Variants in LRIG3 observed in about 807,000 individuals in gnomAD.
The protein encoded by LRIG3 is leucine-rich repeats and immunoglobulin-like domains protein 3.
In LRIG3, 76 loss-of-function variants were observed where a neutral mutation model predicts 114.5. The ratio of observed to expected loss-of-function variants is 0.66; its 90% CI spans 0.55 to 0.80. The LOEUF (loss-of-function observed/expected upper bound fraction) is 0.80, where lower values mean the gene tolerates loss of function less well. Ranked by LOEUF, LRIG3 falls within the 30% of genes least tolerant of loss-of-function variation. LRIG3 has a pLI of 0.00. For synonymous variants in LRIG3, 512 were observed against 519.8 expected, an observed-to-expected ratio of 0.98 and a Z score of 0.20; for missense variants, 1,239 against 1,382.8, an observed-to-expected ratio of 0.90 and a Z score of 1.65.
chr12:58,877,371 T>C, intron 15 of LRIG3, 29 bp downstream of exon 15: 5 of 1,603,344 alleles, frequency 3.1e-6, no homozygotes, highest in Non-Finnish European at 4.3e-6. Flanking sequence ...ATGACTCCGG[T>C]GACCTGTGCC....
intron 3 of LRIG3, among the ~76,000 whole-genome samples, chr12:58,912,451 G>A (rs141004883): frequency 0.035 from 5,360 of 152,052 alleles, 300 homozygotes; most frequent in African/African-American, 0.12. Context: ...AGCCAAGATC[G>A]TGCCACTGCA....
rs773812026 is a variant in LRIG3, at chr12:58,874,206, T to C, written c.2964A>G (p.Ile988Met). 9 of 1,614,078 alleles carry C rather than the reference T, an allele frequency of 5.6e-6. No homozygotes were observed. Among genetic ancestry groups the C allele is most frequent in the Non-Finnish European group, 7.6e-6 (9 of 1,180,050 alleles). ...EESCERSFSNISWPSHVRKLL... is the reference protein window; with the variant it reads ...EESCERSFSNMSWPSHVRKLL... ...GCTTCCTCACATGTGAAGGCCACGA[T>C]ATATTACTGAAGCTCCGTTCGCAGG... Residue 988 changes from isoleucine (I) to methionine (M), a missense_variant, in exon 18 of 19, where the codon ATA becomes ATG. Physicochemically the swap from Ile to Met is conservative, Grantham distance 10. Transcript: ENST00000320743.
rs1592293035 is a variant in LRIG3, at chr12:58,877,412, T to G, written c.2524A>C (p.Ile842Leu). The G allele has an allele frequency of 1.9e-6, 3 of 1,613,674 alleles. No individual in the cohort carries two copies. The highest frequency in any genetic ancestry group is 1.7e-5 in the Admixed American group (1 of 59,996). ...HTRRRNEDCS[I>L]TNTDETNLPA... Reference sequence around the variant, plus strand: ...TCTGTTTACACACCTGTGTTGGTAATGCTGCAATCTTCATTCCTCCGCCTT... The same window carrying G: ...TCTGTTTACACACCTGTGTTGGTAAGGCTGCAATCTTCATTCCTCCGCCTT... The change falls in exon 15 of 19, where the codon ATT (isoleucine) becomes CTT (leucine). Residue 842 changes from isoleucine (I) to leucine (L), a missense_variant. Transcript: ENST00000320743.
intron 18 of LRIG3, among the ~76,000 whole-genome samples, chr12:58,873,222 C>T (rs1000474351): frequency 1.3e-5 from 2 of 152,114 alleles, no homozygotes; most frequent in Non-Finnish European, 2.9e-5. Flanking sequence ...CAAAATAAAC[C>T]TGTGTCCTGC....
rs144191012 is a variant in LRIG3, at chr12:58,881,517, C to T, written c.1481-616G>A. Among the ~76,000 whole-genome samples, 79 of 151,874 alleles carry T rather than the reference C, an allele frequency of 5.2e-4. No individual in the cohort carries two copies. In the East Asian group the frequency reaches 0.012, roughly 23 times the overall value. On this transcript the variant is annotated intron_variant, in intron 12 of 18. Coordinates refer to ENST00000320743, the MANE Select transcript of LRIG3 (RefSeq NM_153377.5). ...CAGCCTGGAGCTTTGAGCGGCCAATCGTGCCGCCGCGCTGCCCTGTCAAAG... is the reference window on the plus strand; with the variant it reads ...CAGCCTGGAGCTTTGAGCGGCCAATTGTGCCGCCGCGCTGCCCTGTCAAAG...
Position 58,872,548 on chromosome 12 carries a change from G to T in LRIG3, c.*24C>A. On this transcript the variant is annotated 3_prime_UTR_variant, in exon 19 of 19. Coordinates refer to ENST00000320743, the MANE Select transcript of LRIG3 (RefSeq NM_153377.5). ...AAGTTCACTTGAGGTAGTATGTTAA[G>T]CTTTTCCTTTGGTCTCATTCAGTCT... The T allele has an allele frequency of 6.4e-7, 1 of 1,566,490 alleles. No individual in the cohort carries two copies. The highest frequency in any genetic ancestry group is 1.4e-5 in the African/African-American group (1 of 73,272).
rs751733790 is a variant in LRIG3 at position 58,872,679 on chromosome 12, C to A, written c.3253G>T (p.Gly1085Trp). ...TCCTGAAAATCTGTCCTTTCTTTCC[C>A]ATCTTCCTCTGACCCAGAGTCCAAG... ...PDLDSGSEED[G>W]KERTDFQEEN... The change falls in exon 19 of 19, where the codon GGG (glycine) becomes TGG (tryptophan). Residue 1085 changes from glycine (G) to tryptophan (W), a missense_variant. Physicochemically the swap from Gly to Trp is radical, Grantham distance 184. Transcript: ENST00000320743. The A allele has an allele frequency of 8.7e-6, 14 of 1,613,944 alleles. No homozygotes were observed. The Admixed American group carries it at 2.2e-4, about 25-fold the overall frequency.
intron 16 of LRIG3, among the ~76,000 whole-genome samples, chr12:58,875,141 C>T (rs533052465): frequency 1.4e-4 from 21 of 152,310 alleles, no homozygotes; most frequent in African/African-American, 3.8e-4. Context: ...ATATGCAGAA[C>T]GTGACACAGT....
At chr12:58,912,353 G>A (rs952406763) in intron 3 of LRIG3, among the ~76,000 whole-genome samples, 1 of 152,114 alleles carries the variant, frequency 6.6e-6, no homozygotes, top group Non-Finnish European at 1.5e-5. Context: ...AAAACTAGCC[G>A]GGCGTAGTGG....
In LRIG3 at chr12:58,880,918, G is replaced by A. The variant is rs1871108386; in HGVS notation, c.1481-17C>T. The A allele has an allele frequency of 6.2e-7, 1 of 1,603,172 alleles. No individual in the cohort carries two copies. Among genetic ancestry groups the A allele is most frequent in the South Asian group, 1.1e-5 (1 of 89,956 alleles). ...GAAAATCATCTGTTAAAAATGGAGA[G>A]GAGGAGACAAAACAATGTTAAGGCT... On this transcript the variant is annotated splice_polypyrimidine_tract_variant and intron_variant, in intron 12 of 18. Transcript: ENST00000320743.
chr12:58,920,204 G>A lies in LRIG3; in HGVS notation c.32C>T (p.Ala11Val). 7.1e-7 allele frequency: 1 copy of A among 1,410,798 alleles called. No homozygotes were observed. The highest frequency in any genetic ancestry group is 9.1e-7 in the Non-Finnish European group (1 of 1,093,536). The allele number at this position is 1,410,798 out of a possible 1,614,324, so 87.4% of individuals were successfully genotyped here. Residue 11 changes from alanine to valine, a missense_variant, in exon 1 of 19, where the codon GCG (alanine) becomes GTG (valine). Physicochemically the swap from Ala to Val is moderately conservative, Grantham distance 64 (BLOSUM62 0). Coordinates refer to ENST00000320743, the MANE Select transcript of LRIG3 (RefSeq NM_153377.5). ...CGCGCACAGCAGCAGCCCCAACCCC[G>A]CGGCGCGCGCACGGAGGCTCGGCGC... The part of the protein sequence containing the change: MSAPSLRARA[A>V]GLGLLLCAVL...
chr12:58,884,415 G>C (rs777810643), intron 10 of LRIG3, among the ~76,000 whole-genome samples: 1 of 152,142 alleles, frequency 6.6e-6, no homozygotes, highest in Non-Finnish European at 1.5e-5. Context: ...AAGAAAGAAG[G>C]GACCAGACAT....
chr12:58,909,561 C>T (rs2099964637), intron 3 of LRIG3, among the ~76,000 whole-genome samples: 1 of 152,156 alleles, frequency 6.6e-6, no homozygotes, highest in African/African-American at 2.4e-5. Flanking sequence ...ATACTCAAAA[C>T]ATTGTAGTTG....
At chr12:58,905,232 G>T (rs1168969975) in intron 3 of LRIG3, among the ~76,000 whole-genome samples, 1 of 152,194 alleles carries the variant, frequency 6.6e-6, no homozygotes, top group Non-Finnish European at 1.5e-5. Flanking sequence ...ACAAATTTAT[G>T]TGTCAAATAC....
In LRIG3 at chr12:58,888,469, C is replaced by G; in HGVS notation, c.807G>C (p.Gln269His). 1 of 1,612,888 alleles carries G rather than the reference C, an allele frequency of 6.2e-7. No homozygotes were observed. Among genetic ancestry groups the G allele is most frequent in the Non-Finnish European group, 8.5e-7 (1 of 1,179,092 alleles). The change falls in exon 7 of 19, where the codon CAG becomes CAC. Residue 269 changes from glutamine (Q) to histidine (H), a missense_variant. By Grantham distance (24) the Gln-to-His change is conservative. Transcript: ENST00000320743. The part of the protein sequence containing the change: ...FWGLSNMEIL[Q>H]LDHNNLTEIT... ...TCTCTGTTAGGTTGTTATGGTCCAGCTGCCTACATTTACAGTAAGAATCAA... is the reference window on the plus strand; with the variant it reads ...TCTCTGTTAGGTTGTTATGGTCCAGGTGCCTACATTTACAGTAAGAATCAA...
At position 58,897,009 on chromosome 12, in the gene LRIG3, T is replaced by A. The variant is rs542784461; in HGVS notation, c.384-6213A>T. 2.6e-5 allele frequency among the ~76,000 whole-genome samples: 4 copies of A among 152,326 alleles called. No homozygotes were observed. In the South Asian group the frequency reaches 8.3e-4, roughly 32 times the overall value. On this transcript the variant is annotated intron_variant, in intron 3 of 18. Transcript: ENST00000320743. ...CCCTCCGAAAAGCTTCCTTGAAAACTATCTTGACTGGAATAACTAACACCC... is the reference window on the plus strand; with the variant it reads ...CCCTCCGAAAAGCTTCCTTGAAAACAATCTTGACTGGAATAACTAACACCC...
At chr12:58,918,976 G>C (rs568984699) in intron 1 of LRIG3, among the ~76,000 whole-genome samples, 11 of 152,190 alleles carry the variant, frequency 7.2e-5, no homozygotes, top group Admixed American at 6.5e-4. Flanking sequence ...TTAGGGCATT[G>C]GAATAGTTCA....
intron 3 of LRIG3, among the ~76,000 whole-genome samples, chr12:58,892,579 A>G (rs1871492405): frequency 6.6e-6 from 1 of 152,188 alleles, no homozygotes; most frequent in Admixed American, 6.5e-5. Context: ...TCAAACTTAC[A>G]CCACTGGTCT....
chr12:58,896,061 C>T (rs1477913905), intron 3 of LRIG3, among the ~76,000 whole-genome samples: 12 of 152,154 alleles, frequency 7.9e-5, no homozygotes, highest in African/African-American at 2.7e-4. Context: ...CCCCTGTGCT[C>T]AGGTGTGAGA....
Sources: gnomAD v4.1 joint callset for allele counts (sites outside exome capture counted in the v4.1 genomes callset) on GRCh38, gnomAD v4.1.1 for gene constraint, MANE v1.5 for transcripts, NCBI Gene and HGNC (gene_info 2026-07-23, HGNC 2026-07-21) for gene names.